The following LARP1B variants were observed in gnomAD, a reference collection of about 807,000 sequenced individuals.
LARP1B encodes the protein la-related protein 1B.
A neutral mutation model predicts 114.2 loss-of-function variants in LARP1B; 76 were observed. The ratio of observed to expected loss-of-function variants is 0.67; its 90% CI spans 0.55 to 0.81. LARP1B has a LOEUF of 0.81. LARP1B is among the 30% of genes least tolerant of loss of function. LARP1B has a pLI of 0.00. For missense variants in LARP1B, 1,014 were observed against 1,075.8 expected (o/e 0.94, Z 0.80); for synonymous variants, 345 against 348.0 (o/e 0.99, Z 0.10).
chr4:128,188,230 A>G (rs1750998358), intron 15 of LARP1B, among the ~76,000 whole-genome samples: 1 of 151,866 alleles, frequency 6.6e-6, no homozygotes, highest in South Asian at 2.1e-4. Context: ...ATGCACCACC[A>G]TGTCTGGGTA....
intron 12 of LARP1B, 111 bp from the exon 13 acceptor site, chr4:128,176,761 G>T: frequency 1.1e-6 from 1 of 935,430 alleles, no homozygotes; most frequent in Non-Finnish European, 1.7e-6. Flanking sequence ...ACTTACTCTT[G>T]GCATCTATGG....
In LARP1B at chr4:128,219,754, C is replaced by T. The variant is rs574937847; in HGVS notation, n.849-601C>T. On this transcript the variant is annotated intron_variant and non_coding_transcript_variant, in intron 6 of 7. Transcript: ENST00000503725. Reference sequence around the variant, plus strand: ...GGCACATGTATACATAGGTAACTAACCTGCACAATGTGCACATGTACCCTA... The same window carrying T: ...GGCACATGTATACATAGGTAACTAATCTGCACAATGTGCACATGTACCCTA... Among the ~76,000 whole-genome samples, 21 of 148,808 alleles carry T rather than the reference C, an allele frequency of 1.4e-4. No homozygotes were observed. In the East Asian group the frequency reaches 4.0e-3, roughly 28 times the overall value.
intron 5 of LARP1B, among the ~76,000 whole-genome samples, chr4:128,089,309 A>G (rs1173792415): frequency 2.0e-5 from 3 of 152,100 alleles, no homozygotes; most frequent in Admixed American, 6.6e-5. Flanking sequence ...AGATATACCT[A>G]TTTTCAACCT....
intron 11 of LARP1B, among the ~76,000 whole-genome samples, chr4:128,134,837 G>A (rs909572068): frequency 1.8e-4 from 28 of 152,330 alleles, no homozygotes; most frequent in African/African-American, 6.7e-4. Context: ...GGGCGCAATG[G>A]CTCATGCCTG....
intron 12 of LARP1B, among the ~76,000 whole-genome samples, chr4:128,168,070 CT>C (rs1741905948): frequency 6.6e-6 from 1 of 152,018 alleles, no homozygotes; most frequent in Non-Finnish European, 1.5e-5. Context: ...ATGAATAAAG[CT>C]GCTATGAGTA....
intron 11 of LARP1B, chr4:128,155,841 C>A (rs1735338801): frequency 8.3e-6 from 13 of 1,566,986 alleles, no homozygotes; most frequent in Non-Finnish European, 1.1e-5. Flanking sequence ...AGCGAGAGAT[C>A]GAGGAGCTGC....
At position 128,090,245 on chromosome 4, in the gene LARP1B, G is replaced by A. The variant is rs1049947481; in HGVS notation, c.359-756G>A. Among the ~76,000 whole-genome samples the A allele has an allele frequency of 3.9e-5, 6 of 152,134 alleles. No homozygotes were observed. The South Asian group carries it at 8.3e-4, about 21-fold the overall frequency. On this transcript the variant is annotated intron_variant, in intron 5 of 19. Transcript: ENST00000326639. The stretch of plus-strand genomic sequence containing the variant: ...GTGCTATGGCACCCGGATAATTTTT[G>A]TATTTTTAGTAGAGGCGGTATTTCA...
At chr4:128,061,966 C>T (rs1464101773) in intron 1 of LARP1B, 9 of 985,076 alleles carry the variant, frequency 9.1e-6, no homozygotes, top group Non-Finnish European at 1.1e-5. Context: ...ACCTGGCGCA[C>T]AAGGCGCGTG....
intron 7 of LARP1B, among the ~76,000 whole-genome samples, chr4:128,094,431 C>T (rs1410597875): frequency 1.5e-5 from 2 of 132,122 alleles, no homozygotes; most frequent in African/African-American, 5.8e-5. Flanking sequence ...GACATTGTCT[C>T]ACTCTGTCGC....
chr4:128,114,581 A>G lies in LARP1B; in HGVS notation c.1000A>G (p.Asn334Asp). 1 of 1,611,160 alleles carries G rather than the reference A, an allele frequency of 6.2e-7. No homozygotes were observed. Among genetic ancestry groups the G allele is most frequent in the Non-Finnish European group, 8.5e-7 (1 of 1,178,828 alleles). Residue 334 changes from asparagine (N) to aspartate (D), a missense_variant, in exon 10 of 20, where the codon AAT (asparagine) becomes GAT (aspartate). Coordinates refer to ENST00000326639, the MANE Select transcript of LARP1B (RefSeq NM_018078.4). ...AFCSHTESAPNSPRIGSPLSP... is the reference protein window; with the variant it reads ...AFCSHTESAPDSPRIGSPLSP... ...ACTTAAAATTTTAGAGTCTGCCCCA[A>G]ATTCTCCAAGAATTGGAAGCCCATT...
At chr4:128,189,500 A>T (rs1460419527) in intron 15 of LARP1B, among the ~76,000 whole-genome samples, 1 of 151,654 alleles carries the variant, frequency 6.6e-6, no homozygotes, top group Non-Finnish European at 1.5e-5. Flanking sequence ...TTTTGGTTGG[A>T]GAATTTAGTT....
chr4:128,082,426 C>T, intron 5 of LARP1B, 121 bp downstream of exon 5: 1 of 760,990 alleles, frequency 1.3e-6, no homozygotes, highest in Non-Finnish European at 2.2e-6. Context: ...TCCCTTTAAC[C>T]CCAAATACCT....
intron 11 of LARP1B, among the ~76,000 whole-genome samples, chr4:128,159,924 G>A (rs1737649547): frequency 6.6e-6 from 1 of 152,126 alleles, no homozygotes; most frequent in African/African-American, 2.4e-5. Flanking sequence ...GTATTTATAG[G>A]AATTTGTTTG....
At chr4:128,096,425 A>G (rs1183507929) in intron 7 of LARP1B, among the ~76,000 whole-genome samples, 3 of 152,196 alleles carry the variant, frequency 2.0e-5, no homozygotes, top group Non-Finnish European at 4.4e-5. Flanking sequence ...ATTTGTAGTT[A>G]CTGATCATAC....
At chr4:128,113,292 T>G (rs2149881454) in intron 9 of LARP1B, among the ~76,000 whole-genome samples, 1 of 152,158 alleles carries the variant, frequency 6.6e-6, no homozygotes, top group Non-Finnish European at 1.5e-5. Flanking sequence ...TCTTTGACTT[T>G]TGAAAAAATA....
intron 4 of LARP1B, among the ~76,000 whole-genome samples, chr4:128,078,613 G>A (rs898736908): frequency 1.3e-5 from 2 of 151,156 alleles, no homozygotes; most frequent in Admixed American, 6.6e-5. Flanking sequence ...AAAAAAAAAA[G>A]TGAGAATAAT....
At chr4:128,162,388 C>G in intron 12 of LARP1B, 71 bp downstream of exon 12, 2 of 1,348,254 alleles carry the variant, frequency 1.5e-6, no homozygotes, top group Non-Finnish European at 2.0e-6. Context: ...TTAAAAATTG[C>G]TCCTTTTTTT....
intron 11 of LARP1B, among the ~76,000 whole-genome samples, chr4:128,133,249 A>G (rs544621578): frequency 3.3e-5 from 5 of 152,350 alleles, no homozygotes; most frequent in South Asian, 4.1e-4. Context: ...AAAATGTTCT[A>G]TAGTTGATTG....
intron 8 of LARP1B, among the ~76,000 whole-genome samples, chr4:128,101,110 G>A (rs922535223): frequency 1.3e-5 from 2 of 150,516 alleles, no homozygotes; most frequent in African/African-American, 2.4e-5. Context: ...GAGCCACCGC[G>A]CCTGGCTTCA....
Sources: gnomAD v4.1 joint callset for allele counts (sites outside exome capture counted in the v4.1 genomes callset) on GRCh38, gnomAD v4.1.1 for gene constraint, MANE v1.5 for transcripts, NCBI Gene and HGNC (gene_info 2026-07-23, HGNC 2026-07-21) for gene names.